The following CSMD1 variants were observed in gnomAD, a reference collection of about 807,000 sequenced individuals.
The protein encoded by CSMD1 is CUB and Sushi multiple domains 1.
CSMD1 carries 213 observed loss-of-function variants against 417.5 expected under a neutral mutation model. That is an observed-to-expected ratio of 0.51 (90% CI 0.46 to 0.57). The LOEUF (loss-of-function observed/expected upper bound fraction) is 0.57, where lower values mean the gene tolerates loss of function less well. Among genes scored for constraint, CSMD1 ranks in the 20% least tolerant of loss-of-function variants. The pLI is 0.00. For synonymous variants in CSMD1, 2,862 were observed against 1,736.8 expected (o/e 1.65, Z -16.11); for missense variants, 6,923 against 4,529.7 (o/e 1.53, Z -15.17).
chr8:4,869,241 G>T (rs759986855), intron 1 of CSMD1, among the ~76,000 whole-genome samples: 2 of 151,908 alleles, frequency 1.3e-5, no homozygotes, highest in Non-Finnish European at 2.9e-5. Flanking sequence ...CATCTGTGTG[G>T]CTATGAACGT....
rs559062502 is a variant in CSMD1, at chr8:4,409,963, G to A, written c.415+9990C>T. Among the ~76,000 whole-genome samples, 41 of 152,104 alleles carry A rather than the reference G, an allele frequency of 2.7e-4. No homozygotes were observed. The East Asian group carries it at 2.7e-3, about 10-fold the overall frequency. ...CAAGTAGCTGGGATTACAGGCACCC[G>A]CCACTACGCCCAGCAAATTTTTGTA... On this transcript the variant is annotated intron_variant, in intron 3 of 69. Transcript: ENST00000635120.
intron 2 of CSMD1, among the ~76,000 whole-genome samples, chr8:4,580,862 G>C (rs1359816556): frequency 6.6e-6 from 1 of 152,096 alleles, no homozygotes; most frequent in African/African-American, 2.4e-5. Context: ...GTAAATTCAC[G>C]GAATGCAAAT....
At chr8:3,560,605 G>C (rs1799427472) in intron 10 of CSMD1, among the ~76,000 whole-genome samples, 2 of 152,274 alleles carry the variant, frequency 1.3e-5, no homozygotes, top group South Asian at 2.1e-4. Context: ...GGAAAGGCTA[G>C]AGAAAAGGGG....
At chr8:3,886,157 C>A (rs748284484) in intron 5 of CSMD1, among the ~76,000 whole-genome samples, 4 of 152,080 alleles carry the variant, frequency 2.6e-5, no homozygotes, top group African/African-American at 9.7e-5. Flanking sequence ...TTCAAGCAAT[C>A]TCCTACCTCA....
intron 1 of CSMD1, among the ~76,000 whole-genome samples, chr8:4,876,239 A>G (rs1033843160): frequency 2.6e-5 from 4 of 152,076 alleles, no homozygotes; most frequent in Non-Finnish European, 5.9e-5. Context: ...GTAATCTGCT[A>G]CTGTGGTATA....
chr8:3,209,273 T>C (rs1563144807), intron 30 of CSMD1, among the ~76,000 whole-genome samples: 1 of 126,996 alleles, frequency 7.9e-6, no homozygotes, highest in South Asian at 2.7e-4. Context: ...GATAGAATTT[T>C]TATTTATTTG....
intron 2 of CSMD1, among the ~76,000 whole-genome samples, chr8:4,468,298 T>C (rs1186728050): frequency 6.6e-6 from 1 of 152,076 alleles, no homozygotes; most frequent in East Asian, 1.9e-4. Context: ...TGAGAAAGTG[T>C]TGATCTTCTG....
chr8:4,034,755 A>T (rs1272145348), intron 3 of CSMD1, among the ~76,000 whole-genome samples: 1 of 152,210 alleles, frequency 6.6e-6, no homozygotes, highest in African/African-American at 2.4e-5. Flanking sequence ...AAATAAATCA[A>T]CATGTCTTCT....
intron 3 of CSMD1, among the ~76,000 whole-genome samples, chr8:4,279,859 A>G (rs1357553836): frequency 2.0e-5 from 3 of 149,488 alleles, no homozygotes; most frequent in African/African-American, 7.7e-5. Context: ...ACTGTCAGTA[A>G]AAATGAATCT....
rs182861302 is a variant in CSMD1, at chr8:3,680,089, A to G, written c.1009+28325T>C. On this transcript the variant is annotated intron_variant, in intron 7 of 69. Transcript: ENST00000635120. ...ATGCCCACAAGAGAAAGCAGGAAAG[A>G]CCTATAATCGACACCATAACATCAC... is the stretch of plus-strand genomic sequence containing the variant. Among the ~76,000 whole-genome samples the G allele has an allele frequency of 1.5e-4, 23 of 152,298 alleles. No individual in the cohort carries two copies. In the East Asian group the frequency reaches 3.7e-3, roughly 24 times the overall value.
chr8:3,721,649 G>C (rs1460861990), intron 6 of CSMD1, among the ~76,000 whole-genome samples: 1 of 151,980 alleles, frequency 6.6e-6, no homozygotes, highest in Non-Finnish European at 1.5e-5. Context: ...CCTTTATTTT[G>C]CTGTTTTCCT....
intron 3 of CSMD1, among the ~76,000 whole-genome samples, chr8:4,044,835 C>G (rs562117459): frequency 8.2e-6 from 1 of 121,402 alleles, no homozygotes; most frequent in African/African-American, 2.9e-5. Context: ...AGTAGCACCC[C>G]AGGCTTGTAC....
At chr8:3,850,119 T>G (rs980471790) in intron 5 of CSMD1, among the ~76,000 whole-genome samples, 5 of 152,244 alleles carry the variant, frequency 3.3e-5, no homozygotes, top group Non-Finnish European at 4.4e-5. Context: ...TTTGATACAT[T>G]TGGGCGATGT....
chr8:3,997,881 G>T, intron 5 of CSMD1, 22 bp downstream of exon 5: 1 of 1,597,944 alleles, frequency 6.3e-7, no homozygotes. Context: ...TATCCTTTGT[G>T]GCATCTCTTC....
intron 3 of CSMD1, among the ~76,000 whole-genome samples, chr8:4,415,038 C>A (rs1346137240): frequency 1.3e-5 from 2 of 152,166 alleles, no homozygotes; most frequent in African/African-American, 4.8e-5. Context: ...TGCTATCCTT[C>A]GTTTCATAGT....
At position 3,361,747 on chromosome 8, in the gene CSMD1, G is replaced by C. The variant is rs529175006; in HGVS notation, c.3116-2407C>G. Among the ~76,000 whole-genome samples, 393 of 148,484 alleles carry C rather than the reference G, an allele frequency of 2.6e-3. 3 individuals carry two copies. The highest frequency in any genetic ancestry group is 9.3e-3 in the African/African-American group (374 of 40,220). On this transcript the variant is annotated intron_variant, in intron 20 of 69. Coordinates refer to ENST00000635120, the MANE Select transcript of CSMD1 (RefSeq NM_033225.6). ...TGCTATACCTATTATCTTATATAAA[G>C]AAACACCATGATCTTATGGTTCTTT...
chr8:4,157,587 C>A (rs928005545), intron 3 of CSMD1, among the ~76,000 whole-genome samples: 2 of 152,152 alleles, frequency 1.3e-5, no homozygotes, highest in African/African-American at 2.4e-5. Flanking sequence ...GACCCTCTGC[C>A]GGTCATGTAA....
chr8:3,993,624 T>G (rs1029083542), intron 5 of CSMD1, among the ~76,000 whole-genome samples: 1 of 152,194 alleles, frequency 6.6e-6, no homozygotes, highest in Non-Finnish European at 1.5e-5. Flanking sequence ...ATACACCAGA[T>G]AGGCAAAAGG....
intron 3 of CSMD1, among the ~76,000 whole-genome samples, chr8:4,296,225 A>G (rs1022604258): frequency 1.3e-5 from 2 of 152,062 alleles, no homozygotes; most frequent in African/African-American, 2.4e-5. Context: ...CCAGCTTAAA[A>G]CCTTGATCAG....
Sources: allele counts gnomAD v4.1 joint callset (sites outside exome capture counted in the v4.1 genomes callset), GRCh38; gene constraint gnomAD v4.1.1; transcripts MANE v1.5; gene names NCBI Gene and HGNC (gene_info 2026-07-23, HGNC 2026-07-21).